The following ZNRF1 variants were observed in gnomAD, a reference collection of about 807,000 sequenced individuals.
The protein encoded by ZNRF1 is zinc and ring finger 1, also known as E3 ubiquitin-protein ligase ZNRF1.
ZNRF1 carries 3 observed loss-of-function variants against 18.4 expected under a neutral mutation model. The ratio of observed to expected loss-of-function variants is 0.16; its 90% CI spans 0.07 to 0.42. ZNRF1 has a LOEUF of 0.42. Among genes scored for constraint, ZNRF1 ranks in the 10% least tolerant of loss-of-function variants. ZNRF1 has a pLI of 0.99. For synonymous variants in ZNRF1, 157 were observed against 144.2 expected (o/e 1.09, Z -0.64); for missense variants, 310 against 329.8 (o/e 0.94, Z 0.47).
intron 1 of ZNRF1, among the ~76,000 whole-genome samples, chr16:75,087,239 A>C (rs146515488): frequency 6.6e-6 from 1 of 152,284 alleles, no homozygotes; most frequent in Non-Finnish European, 1.5e-5. Flanking sequence ...ACATTGATGC[A>C]CATGACCACA....
intron 1 of ZNRF1, among the ~76,000 whole-genome samples, chr16:75,075,890 G>A (rs2035934112): frequency 6.6e-6 from 1 of 152,222 alleles, no homozygotes; most frequent in African/African-American, 2.4e-5. Flanking sequence ...AGGAAGTGAA[G>A]ATGGCCATTG....
intron 2 of ZNRF1, chr16:75,095,567 G>A (rs1597907897): frequency 6.7e-7 from 1 of 1,501,008 alleles, no homozygotes; most frequent in Non-Finnish European, 9.0e-7. Flanking sequence ...GGTTGCTAGG[G>A]CGTTCTCTGT....
At position 75,106,719 on chromosome 16, in the gene ZNRF1, TCA is replaced by T. The variant is rs1259637201; in HGVS notation, c.*32+149_*32+150del. On this transcript the variant is annotated intron_variant, in intron 4 of 4. Transcript: ENST00000335325. Reference sequence around the variant, plus strand: ...GAGCACCTCATCAGTGAGCAGTTAGTCATCCGGAAATGATTTTCCCTGGGAAG... The same window carrying T: ...GAGCACCTCATCAGTGAGCAGTTAGTTCCGGAAATGATTTTCCCTGGGAAG... The T allele has an allele frequency of 2.8e-5, 17 of 613,748 alleles. No individual in the cohort carries two copies. In the East Asian group the frequency reaches 4.8e-4, roughly 17 times the overall value. 38.0% of individuals were successfully genotyped at this position (613,748 alleles called of 1,614,324 possible).
intron 1 of ZNRF1, among the ~76,000 whole-genome samples, chr16:75,003,651 A>G (rs1335165184): frequency 6.6e-6 from 1 of 152,154 alleles, no homozygotes; most frequent in Non-Finnish European, 1.5e-5. Context: ...TCTTATCTGA[A>G]AACATCACAA....
chr16:75,008,380 C>T (rs2034950972), intron 1 of ZNRF1, among the ~76,000 whole-genome samples: 1 of 152,166 alleles, frequency 6.6e-6, no homozygotes, highest in Non-Finnish European at 1.5e-5. Context: ...GTAATGGTGT[C>T]AGTGTCGCCT....
chr16:75,046,192 C>T (rs1454456719), intron 1 of ZNRF1, among the ~76,000 whole-genome samples: 1 of 151,920 alleles, frequency 6.6e-6, no homozygotes, highest in Non-Finnish European at 1.5e-5. Flanking sequence ...CATGTGTGAG[C>T]CACCGCGCCC....
chr16:75,043,131 C>T (rs1479560325), intron 1 of ZNRF1, among the ~76,000 whole-genome samples: 1 of 152,204 alleles, frequency 6.6e-6, no homozygotes, highest in Admixed American at 6.5e-5. Flanking sequence ...TATCATCTCT[C>T]CTCTTTTTGA....
intron 1 of ZNRF1, among the ~76,000 whole-genome samples, chr16:75,004,484 T>C (rs1473623288): frequency 6.6e-6 from 1 of 152,204 alleles, no homozygotes; most frequent in Non-Finnish European, 1.5e-5. Flanking sequence ...GGGCTGGCCA[T>C]TGAGGGCTTC....
At chr16:75,031,870 G>A (rs763255584) in intron 1 of ZNRF1, among the ~76,000 whole-genome samples, 5 of 152,058 alleles carry the variant, frequency 3.3e-5, no homozygotes, top group South Asian at 2.1e-4. Context: ...GGATCTACCC[G>A]GTAGAAATGC....
intron 2 of ZNRF1, chr16:75,095,867 C>T: frequency 1.1e-6 from 1 of 940,228 alleles, no homozygotes; most frequent in Non-Finnish European, 1.5e-6. Flanking sequence ...CCCCTACACC[C>T]CACCACCGGC....
At chr16:75,089,297 C>T (rs1229305655) in intron 1 of ZNRF1, among the ~76,000 whole-genome samples, 1 of 151,948 alleles carries the variant, frequency 6.6e-6, no homozygotes, top group African/African-American at 2.4e-5. Flanking sequence ...TTAATAGAGA[C>T]GGGGTCTCCC....
intron 1 of ZNRF1, among the ~76,000 whole-genome samples, chr16:75,037,561 A>T (rs113446297): frequency 0.043 from 6,544 of 151,778 alleles, 481 homozygotes; most frequent in African/African-American, 0.15. Context: ...CTGGTCTGGA[A>T]CTCCTGACCT....
chr16:75,087,559 T>C (rs527343766), intron 1 of ZNRF1, among the ~76,000 whole-genome samples: 111 of 152,348 alleles, frequency 7.3e-4, no homozygotes, highest in Non-Finnish European at 1.3e-3. Context: ...AGAAGGACTC[T>C]CTTGGCTTCT....
intron 1 of ZNRF1, among the ~76,000 whole-genome samples, chr16:75,040,667 C>T (rs1251675048): frequency 3.2e-5 from 4 of 126,110 alleles, no homozygotes; most frequent in Admixed American, 2.1e-4. Context: ...AGTGCAGTGG[C>T]GCAATCTCGG....
chr16:75,030,668 C>T (rs750692756), intron 1 of ZNRF1, among the ~76,000 whole-genome samples: 23 of 152,164 alleles, frequency 1.5e-4, no homozygotes, highest in Non-Finnish European at 3.1e-4. Flanking sequence ...TTTTCCCCTA[C>T]CCAAGACAAC....
intron 2 of ZNRF1, among the ~76,000 whole-genome samples, chr16:75,098,491 T>G (rs1384767989): frequency 6.6e-6 from 1 of 152,228 alleles, no homozygotes; most frequent in Non-Finnish European, 1.5e-5. Flanking sequence ...CTGCTCAAGG[T>G]CACCCTGTTG....
In ZNRF1 at chr16:75,004,717, C is replaced by T. The variant is rs183791893; in HGVS notation, c.424+4622C>T. On this transcript the variant is annotated intron_variant, in intron 1 of 4. Transcript: ENST00000335325. The stretch of plus-strand genomic sequence containing the variant: ...TAGCCTCAAACTCTTGGGCTCAAGC[C>T]GTCTTCCCATCTCAGCTTCCAGAGT... 4.9e-4 allele frequency among the ~76,000 whole-genome samples: 75 copies of T among 152,206 alleles called. 1 individual carries two copies. Among genetic ancestry groups the T allele is most frequent in the Non-Finnish European group, 8.7e-4 (59 of 67,998 alleles).
chr16:75,020,492 A>G (rs1443495147), intron 1 of ZNRF1, among the ~76,000 whole-genome samples: 3 of 151,834 alleles, frequency 2.0e-5, no homozygotes, highest in Non-Finnish European at 4.4e-5. Flanking sequence ...ACTTTGTGCT[A>G]TTGACCATGT....
chr16:75,010,701 G>GTTTTTTTTTTTTTTTTTTTTTTTTT (rs1334552920), intron 1 of ZNRF1, among the ~76,000 whole-genome samples: 4 of 63,766 alleles, frequency 6.3e-5, no homozygotes, highest in Admixed American at 2.9e-4. Flanking sequence ...GTACTGTACT[G>GTTTTTTTTTTTTTTTTTTTTTTTTT]TTTTTTTTTG....
Sources: gnomAD v4.1 joint callset for allele counts (sites outside exome capture counted in the v4.1 genomes callset) on GRCh38, gnomAD v4.1.1 for gene constraint, MANE v1.5 for transcripts, NCBI Gene and HGNC (gene_info 2026-07-23, HGNC 2026-07-21) for gene names.